FBXL7: variants seen among roughly 807,000 people sequenced by gnomAD.
FBXL7 encodes F-box and leucine rich repeat protein 7, also known as F-box/LRR-repeat protein 7.
FBXL7 carries 12 observed loss-of-function variants against 38.3 expected under a neutral mutation model. That is an observed-to-expected ratio of 0.31 (90% CI 0.20 to 0.51). FBXL7 has a LOEUF of 0.51. Ranked by LOEUF, FBXL7 falls within the 20% of genes least tolerant of loss-of-function variation. The probability of loss-of-function intolerance (pLI) is 0.98; values close to 1 mark genes in which losing one functional copy is unlikely to be tolerated. For synonymous variants in FBXL7, 297 were observed against 300.9 expected (o/e 0.99, Z 0.13); for missense variants, 567 against 676.4 (o/e 0.84, Z 1.79).
In FBXL7 at chr5:15,936,493, C is replaced by T. The variant is rs1399961847; in HGVS notation, c.783C>T (p.Ser261=). 8.1e-6 allele frequency: 13 copies of T among 1,613,352 alleles called. No homozygotes were observed. The highest frequency in any genetic ancestry group is 2.2e-5 in the South Asian group (2 of 91,094). ...GCATCAGCTTGACCCGGGAGGCCTCCATTAAACTGTCACCCTTGCATGGCA... is the reference window on the plus strand; with the variant it reads ...GCATCAGCTTGACCCGGGAGGCCTCTATTAAACTGTCACCCTTGCATGGCA... ...VTCISLTREA[S]IKLSPLHGKQ... Residue 261 remains serine (S), a synonymous_variant, in exon 4 of 4, where the codon TCC becomes TCT. Coordinates refer to ENST00000504595, the MANE Select transcript of FBXL7 (RefSeq NM_012304.5). This position sits in a 1 kb window ranked among gnomAD's most constrained non-coding sequence, Gnocchi z 6.0.
intron 2 of FBXL7, among the ~76,000 whole-genome samples, chr5:15,823,093 T>C (rs1463791675): frequency 6.6e-6 from 1 of 152,204 alleles, no homozygotes; most frequent in East Asian, 1.9e-4. Context: ...CCTCTTGTGA[T>C]AACTAGACGG....
chr5:15,834,117 G>A (rs1458238642), intron 2 of FBXL7, among the ~76,000 whole-genome samples: 1 of 152,114 alleles, frequency 6.6e-6, no homozygotes, highest in African/African-American at 2.4e-5. Context: ...CTTACCAGGA[G>A]TTAAGAAAAG....
intron 2 of FBXL7, among the ~76,000 whole-genome samples, chr5:15,921,150 G>A (rs1741729991): frequency 6.6e-6 from 1 of 152,108 alleles, no homozygotes; most frequent in Admixed American, 6.5e-5. Flanking sequence ...GGGAGGCCGA[G>A]GCAGGCAGAT....
chr5:15,887,440 T>C (rs1451385049), intron 2 of FBXL7, among the ~76,000 whole-genome samples: 1 of 152,180 alleles, frequency 6.6e-6, no homozygotes, highest in East Asian at 1.9e-4. Context: ...ATGTCAAAAA[T>C]GAAAATATTT....
intron 2 of FBXL7, among the ~76,000 whole-genome samples, chr5:15,735,862 G>A (rs894951896): frequency 1.3e-5 from 2 of 152,190 alleles, no homozygotes; most frequent in Non-Finnish European, 2.9e-5. Flanking sequence ...GAATAGTGTG[G>A]TGCACTGAGT....
At chr5:15,901,944 T>C (rs918270435) in intron 2 of FBXL7, among the ~76,000 whole-genome samples, 5 of 152,200 alleles carry the variant, frequency 3.3e-5, no homozygotes, top group African/African-American at 1.2e-4. Context: ...AACATTTAAC[T>C]TGCATTGTTC....
chr5:15,731,510 A>G (rs1008539782), intron 2 of FBXL7, among the ~76,000 whole-genome samples: 5 of 152,158 alleles, frequency 3.3e-5, no homozygotes, highest in Admixed American at 2.0e-4. Flanking sequence ...TCTGGGAGCT[A>G]CAAGATGAGA....
intron 2 of FBXL7, among the ~76,000 whole-genome samples, chr5:15,731,872 G>T (rs1452457104): frequency 6.6e-6 from 1 of 152,144 alleles, no homozygotes; most frequent in Non-Finnish European, 1.5e-5. Flanking sequence ...TTCCTGGCTG[G>T]TTCCTTGGAC....
intron 2 of FBXL7, among the ~76,000 whole-genome samples, chr5:15,752,896 T>G (rs1325489141): frequency 6.6e-6 from 1 of 152,234 alleles, no homozygotes; most frequent in East Asian, 1.9e-4. Flanking sequence ...ACTTTCACTA[T>G]CATTGTTCGT....
At chr5:15,641,068 A>G (rs566661053) in intron 2 of FBXL7, among the ~76,000 whole-genome samples, 46 of 152,196 alleles carry the variant, frequency 3.0e-4, no homozygotes, top group Non-Finnish European at 6.3e-4. Flanking sequence ...GCTTGCTAAT[A>G]CACCCCCAGA....
chr5:15,938,962 A>C lies in FBXL7; in HGVS notation c.*1776A>C, dbSNP rs888936980. 7.3e-5 allele frequency: 29 copies of C among 399,024 alleles called. No homozygotes were observed. Among genetic ancestry groups the C allele is most frequent in the Middle Eastern group, 6.3e-4 (1 of 1,588 alleles). The allele number at this position is 399,024 out of a possible 1,614,324, so 24.7% of individuals were successfully genotyped here. ...TTCTTCTCAAAATGCCCATTATCCA[A>C]ATGCAGAACCTCTGCATCTCCAAGC... On this transcript the variant is annotated 3_prime_UTR_variant, in exon 4 of 4. Coordinates refer to ENST00000504595, the MANE Select transcript of FBXL7 (RefSeq NM_012304.5).
At chr5:15,801,857 G>A (rs1385937747) in intron 2 of FBXL7, among the ~76,000 whole-genome samples, 1 of 151,874 alleles carries the variant, frequency 6.6e-6, no homozygotes, top group East Asian at 1.9e-4. Context: ...TAGTTTGTCA[G>A]CATGATTACT....
intron 2 of FBXL7, among the ~76,000 whole-genome samples, chr5:15,897,920 C>A (rs548844021): frequency 6.6e-6 from 1 of 152,298 alleles, no homozygotes; most frequent in East Asian, 1.9e-4. Context: ...CATTGGGAGG[C>A]CATCACTATC....
chr5:15,844,385 A>G (rs1579512437), intron 2 of FBXL7, among the ~76,000 whole-genome samples: 1 of 152,184 alleles, frequency 6.6e-6, no homozygotes. Flanking sequence ...GAGTGGCTCC[A>G]AATACACAGC....
chr5:15,523,855 C>T (rs907883718), intron 1 of FBXL7, among the ~76,000 whole-genome samples: 1 of 152,170 alleles, frequency 6.6e-6, no homozygotes, highest in Non-Finnish European at 1.5e-5. Flanking sequence ...CTGGGAAATG[C>T]GGCGTTCTGC....
At chr5:15,620,450 A>G (rs1740598836) in intron 2 of FBXL7, among the ~76,000 whole-genome samples, 1 of 146,174 alleles carries the variant, frequency 6.8e-6, no homozygotes. Context: ...GGGTTTCACC[A>G]TGTTAGCCAA....
intron 2 of FBXL7, among the ~76,000 whole-genome samples, chr5:15,616,660 C>T (rs1201949847): frequency 6.6e-6 from 1 of 152,200 alleles, no homozygotes; most frequent in Non-Finnish European, 1.5e-5. Context: ...TAGAATTCCA[C>T]TGCTTTTCAA....
intron 2 of FBXL7, among the ~76,000 whole-genome samples, chr5:15,718,718 C>T (rs1744113221): frequency 6.6e-6 from 1 of 152,194 alleles, no homozygotes; most frequent in Non-Finnish European, 1.5e-5. Context: ...TACAATTCTG[C>T]AGTGTTGAAA....
chr5:15,605,077 T>C (rs563543239), intron 1 of FBXL7, among the ~76,000 whole-genome samples: 2 of 152,260 alleles, frequency 1.3e-5, no homozygotes, highest in East Asian at 3.9e-4. Context: ...GTGGAATCCT[T>C]TCCCTAAACC....
Sources: allele counts gnomAD v4.1 joint callset (sites outside exome capture counted in the v4.1 genomes callset), GRCh38; gene constraint gnomAD v4.1.1; non-coding constraint Gnocchi (gnomAD v3.1); transcripts MANE v1.5; gene names NCBI Gene and HGNC (gene_info 2026-07-23, HGNC 2026-07-21).